Variants in LHPP observed in about 807,000 individuals in gnomAD.
The protein encoded by LHPP is phospholysine phosphohistidine inorganic pyrophosphate phosphatase.
A neutral mutation model predicts 30.3 loss-of-function variants in LHPP; 24 were observed. That is an observed-to-expected ratio of 0.79 (90% CI 0.57 to 1.11). The LOEUF is 1.11. LHPP is among the 50% of genes most tolerant of loss of function. The pLI, the probability that LHPP is intolerant of heterozygous loss-of-function variation, is 0.00. For missense variants in LHPP, 356 were observed against 367.2 expected (o/e 0.97, Z 0.25); for synonymous variants, 150 against 157.1 (o/e 0.95, Z 0.34).
chr10:124,537,241 C>T (rs1027513238), intron 6 of LHPP, among the ~76,000 whole-genome samples: 14 of 152,210 alleles, frequency 9.2e-5, no homozygotes, highest in Admixed American at 6.5e-4. Context: ...CCCCAGCCAC[C>T]GTCCAGCTAC....
At chr10:124,462,777 A>C (rs556621579) in intron 1 of LHPP, among the ~76,000 whole-genome samples, 1 of 152,310 alleles carries the variant, frequency 6.6e-6, no homozygotes, top group East Asian at 1.9e-4. Flanking sequence ...GGCTCACTGC[A>C]ACCTCCGCCT....
chr10:124,501,323 C>G (rs563899841), intron 5 of LHPP, among the ~76,000 whole-genome samples: 2 of 151,520 alleles, frequency 1.3e-5, no homozygotes, highest in Non-Finnish European at 2.9e-5. Context: ...GGAACTGGGC[C>G]GGGCACAGCA....
intron 6 of LHPP, among the ~76,000 whole-genome samples, chr10:124,600,971 T>G (rs897291): frequency 0.93 from 141,101 of 152,272 alleles, 65,580 homozygotes; most frequent in East Asian, 1. Context: ...GATGGGTGCT[T>G]TGATGGGGTC....
chr10:124,584,121 G>T (rs1375325535), intron 6 of LHPP, among the ~76,000 whole-genome samples: 6 of 151,928 alleles, frequency 3.9e-5, no homozygotes, highest in South Asian at 2.1e-4. Context: ...TAGTCCATTT[G>T]TGCTGCTATA....
chr10:124,588,773 A>C (rs1017221476), intron 6 of LHPP, among the ~76,000 whole-genome samples: 1 of 152,038 alleles, frequency 6.6e-6, no homozygotes, highest in Non-Finnish European at 1.5e-5. Context: ...ACTGCCTTCC[A>C]AGGGAGACAT....
intron 6 of LHPP, among the ~76,000 whole-genome samples, chr10:124,520,795 C>T (rs921772993): frequency 6.6e-6 from 1 of 152,080 alleles, no homozygotes; most frequent in African/African-American, 2.4e-5. Context: ...AGCGGCGAGC[C>T]GCAGGGGGTG....
At chr10:124,471,089 C>A (rs1315986126) in intron 1 of LHPP, among the ~76,000 whole-genome samples, 1 of 152,110 alleles carries the variant, frequency 6.6e-6, no homozygotes, top group African/African-American at 2.4e-5. Context: ...GTCCTCCATC[C>A]TCGACCAAGT....
chr10:124,530,637 C>T (rs936390876), intron 6 of LHPP, among the ~76,000 whole-genome samples: 4 of 152,182 alleles, frequency 2.6e-5, no homozygotes, highest in Non-Finnish European at 4.4e-5. Context: ...TCCCAGATGC[C>T]GCACCACCCC....
At chr10:124,540,401 G>A (rs1286754871) in intron 6 of LHPP, among the ~76,000 whole-genome samples, 1 of 152,248 alleles carries the variant, frequency 6.6e-6, no homozygotes, top group Non-Finnish European at 1.5e-5. Context: ...AGGGCCAGGG[G>A]GGCTGCGCAG....
chr10:124,582,085 T>TTA (rs1191132908), intron 6 of LHPP, among the ~76,000 whole-genome samples: 4 of 138,036 alleles, frequency 2.9e-5, no homozygotes, highest in South Asian at 2.2e-4. Context: ...CCTGGCCTAT[T>TTA]TATATATATA....
At chr10:124,476,217 C>G (rs1375172732) in intron 1 of LHPP, among the ~76,000 whole-genome samples, 1 of 152,206 alleles carries the variant, frequency 6.6e-6, no homozygotes, top group Non-Finnish European at 1.5e-5. Context: ...TAGGTCCCAG[C>G]TCCTGCGTCA....
chr10:124,536,669 G>A (rs1955035960), intron 6 of LHPP, among the ~76,000 whole-genome samples: 1 of 152,230 alleles, frequency 6.6e-6, no homozygotes, highest in African/African-American at 2.4e-5. Context: ...AGGTTAGAGT[G>A]AGGGGAGGGG....
chr10:124,537,969 G>T (rs1277074998), intron 6 of LHPP, among the ~76,000 whole-genome samples: 1 of 152,230 alleles, frequency 6.6e-6, no homozygotes, highest in East Asian at 1.9e-4. Context: ...GGGTTCGGTG[G>T]TGTCCTTGAC....
At chr10:124,474,569 G>T (rs1952884718) in intron 1 of LHPP, among the ~76,000 whole-genome samples, 1 of 152,190 alleles carries the variant, frequency 6.6e-6, no homozygotes, top group East Asian at 1.9e-4. Context: ...TCTCATCCCA[G>T]TTCTGTCCCT....
chr10:124,600,583 A>C (rs1949008496), intron 6 of LHPP, among the ~76,000 whole-genome samples: 1 of 152,230 alleles, frequency 6.6e-6, no homozygotes, highest in African/African-American at 2.4e-5. Context: ...GGTCTCACGC[A>C]GTGGGGCCTC....
At chr10:124,522,734 A>ACCCCG (rs1954641263) in intron 6 of LHPP, among the ~76,000 whole-genome samples, 3 of 86,096 alleles carry the variant, frequency 3.5e-5, no homozygotes, top group African/African-American at 5.4e-5. Context: ...CCCCCCCCCA[A>ACCCCG]GCACTGTCTG....
chr10:124,532,480 C>G (rs920124013), intron 6 of LHPP, among the ~76,000 whole-genome samples: 4 of 152,362 alleles, frequency 2.6e-5, no homozygotes, highest in Non-Finnish European at 5.9e-5. Context: ...TTCCTTCTCA[C>G]CTCATGCCTT....
chr10:124,553,864 T>C (rs1948234794), intron 6 of LHPP: 8 of 984,958 alleles, frequency 8.1e-6, no homozygotes, highest in African/African-American at 1.7e-5. Context: ...CAGAAGGAGG[T>C]AAGGGGCCCA....
At chr10:124,549,769 G>A (rs780629756) in intron 6 of LHPP, among the ~76,000 whole-genome samples, 2 of 152,272 alleles carry the variant, frequency 1.3e-5, no homozygotes, top group Admixed American at 6.5e-5. Context: ...GCCGGGAAAG[G>A]CATGGCCTCC....
Sources: allele counts gnomAD v4.1 joint callset (sites outside exome capture counted in the v4.1 genomes callset), GRCh38; gene constraint gnomAD v4.1.1; transcripts MANE v1.5; gene names NCBI Gene and HGNC (gene_info 2026-07-23, HGNC 2026-07-21).